The following FGF14 variants were observed in gnomAD, a reference collection of about 807,000 sequenced individuals.
FGF14 encodes fibroblast growth factor homologous factor 4.
A neutral mutation model predicts 25.5 loss-of-function variants in FGF14; 5 were observed. The ratio of observed to expected loss-of-function variants is 0.20; its 90% confidence interval spans 0.10 to 0.41. The LOEUF is 0.41. Among genes scored for constraint, FGF14 ranks in the 10% least tolerant of loss-of-function variants. The probability of loss-of-function intolerance (pLI) is 1.00; values close to 1 mark genes in which losing one functional copy is unlikely to be tolerated. For synonymous variants in FGF14, 138 were observed against 118.3 expected (o/e 1.17, Z -1.08); for missense variants, 222 against 320.1 (o/e 0.69, Z 2.34).
At chr13:102,236,911 G>C (rs188472650) in intron 1 of FGF14, among the ~76,000 whole-genome samples, 1 of 152,122 alleles carries the variant, frequency 6.6e-6, no homozygotes, top group African/African-American at 2.4e-5. Flanking sequence ...AGCTCTCAGA[G>C]GGCCTCCCAG....
chr13:102,349,699 A>G (rs72647495), intron 1 of FGF14, among the ~76,000 whole-genome samples: 11,124 of 152,298 alleles, frequency 0.073, 540 homozygotes, highest in Non-Finnish European at 0.11. Context: ...CTAGAAAGAA[A>G]GTTAAAAACC....
At chr13:102,279,015 ATTGTT>A (rs1253036922) in intron 1 of FGF14, among the ~76,000 whole-genome samples, 4 of 152,146 alleles carry the variant, frequency 2.6e-5, no homozygotes, top group African/African-American at 9.7e-5. Flanking sequence ...TATGAACTGG[ATTGTT>A]TTGTTTTAAT....
intron 3 of FGF14, among the ~76,000 whole-genome samples, chr13:101,861,582 T>C (rs974261705): frequency 7.2e-5 from 11 of 151,896 alleles, no homozygotes; most frequent in East Asian, 1.9e-4. Context: ...AGTCAACATA[T>C]GTACAGAAAC....
At position 101,719,463 on chromosome 13, in the gene FGF14, T is replaced by A. The variant is rs1336746511; in HGVS notation, c.*3368A>T. ...TCTCCAAATTCTTCAGGATTTGTAA[T>A]GAAATGATGTTCAGTTCCATTTTGC... On this transcript the variant is annotated 3_prime_UTR_variant, in exon 5 of 5. Transcript: ENST00000376143. 1 of 152,110 alleles carries A rather than the reference T, an allele frequency of 6.6e-6. No individual in the cohort carries two copies. The highest frequency in any genetic ancestry group is 1.5e-5 in the Non-Finnish European group (1 of 68,004). The allele number at this position is 152,110 out of a possible 1,614,324, so 9.4% of individuals were successfully genotyped here.
intron 1 of FGF14, among the ~76,000 whole-genome samples, chr13:101,972,814 T>C (rs1233478666): frequency 6.6e-6 from 1 of 152,184 alleles, no homozygotes; most frequent in African/African-American, 2.4e-5. Flanking sequence ...CAGCTTAAAG[T>C]TGTATTTTAT....
Position 101,779,729 on chromosome 13 carries a change from G to A in FGF14, c.409-52919C>T, listed in dbSNP as rs568654229. On this transcript the variant is annotated intron_variant, in intron 3 of 4. Transcript: ENST00000376143. Reference sequence around the variant, plus strand: ...AACACTATCATTATTATCTTAATATGTTCATATAAGGTCCCAAGGTAATTT... The same window carrying A: ...AACACTATCATTATTATCTTAATATATTCATATAAGGTCCCAAGGTAATTT... 2.8e-3 allele frequency among the ~76,000 whole-genome samples: 424 copies of A among 152,192 alleles called. 3 individuals carry two copies. The highest frequency in any genetic ancestry group is 9.7e-3 in the African/African-American group (401 of 41,524).
At chr13:101,874,890 T>G (rs953997712) in intron 2 of FGF14, among the ~76,000 whole-genome samples, 2 of 152,148 alleles carry the variant, frequency 1.3e-5, no homozygotes, top group Non-Finnish European at 1.5e-5. Context: ...GTGTACTTAC[T>G]TAACTTTTAC....
At chr13:101,831,985 C>T (rs2042692618) in intron 3 of FGF14, among the ~76,000 whole-genome samples, 1 of 151,992 alleles carries the variant, frequency 6.6e-6, no homozygotes, top group Admixed American at 6.6e-5. Flanking sequence ...ATCCCTGGAA[C>T]CAGTAAAGAT....
At chr13:102,167,896 A>C (rs936849288) in intron 1 of FGF14, among the ~76,000 whole-genome samples, 2 of 151,684 alleles carry the variant, frequency 1.3e-5, no homozygotes, top group African/African-American at 4.8e-5. Flanking sequence ...TAGGTGATGG[A>C]TCAATAAAAA....
intron 3 of FGF14, among the ~76,000 whole-genome samples, chr13:101,862,302 A>C (rs1010692263): frequency 6.6e-6 from 1 of 151,900 alleles, no homozygotes; most frequent in African/African-American, 2.4e-5. Flanking sequence ...AATGCTGCCA[A>C]AGCATCTGAC....
intron 1 of FGF14, among the ~76,000 whole-genome samples, chr13:102,217,307 A>T (rs577169617): frequency 1.3e-5 from 2 of 152,234 alleles, no homozygotes; most frequent in African/African-American, 4.8e-5. Context: ...GTAAAAAAAT[A>T]AACTACATGC....
intron 1 of FGF14, among the ~76,000 whole-genome samples, chr13:102,114,476 A>G (rs901190479): frequency 2.0e-5 from 3 of 152,156 alleles, no homozygotes; most frequent in Non-Finnish European, 4.4e-5. Flanking sequence ...TTCCAAGATA[A>G]TTGAAATAAG....
chr13:102,161,633 A>AGAAGAAGAAGAAGAAGAG (rs2047714376), intron 1 of FGF14, among the ~76,000 whole-genome samples: 1 of 8,676 alleles, frequency 1.2e-4, no homozygotes, highest in Non-Finnish European at 1.9e-4. Flanking sequence ...AAGAAGAAGA[A>AGAAGAAGAAGAAGAAGAG]GAAGAAGAAG....
chr13:101,880,338 T>C (rs1159597436), intron 1 of FGF14, among the ~76,000 whole-genome samples: 1 of 151,936 alleles, frequency 6.6e-6, no homozygotes, highest in East Asian at 1.9e-4. Context: ...GAGGCTGAGG[T>C]GGGCAGATCA....
chr13:102,095,176 A>G (rs2044334360), intron 1 of FGF14, among the ~76,000 whole-genome samples: 1 of 152,220 alleles, frequency 6.6e-6, no homozygotes, highest in South Asian at 2.1e-4. Flanking sequence ...GACAGAATCT[A>G]TCAAGGAAAT....
intron 1 of FGF14, among the ~76,000 whole-genome samples, chr13:101,897,841 A>T (rs1211069137): frequency 6.6e-6 from 1 of 152,194 alleles, no homozygotes; most frequent in Non-Finnish European, 1.5e-5. Flanking sequence ...CATGATGTTC[A>T]ATGGTTATGC....
At chr13:101,844,748 C>A (rs192764164) in intron 3 of FGF14, among the ~76,000 whole-genome samples, 14 of 152,120 alleles carry the variant, frequency 9.2e-5, no homozygotes, top group Middle Eastern at 3.4e-3. Context: ...TCACATACAG[C>A]TATTTGCTTA....
At chr13:102,275,262 T>TCTCTCTCTC (rs1555391875) in intron 1 of FGF14, among the ~76,000 whole-genome samples, 2,628 of 68,866 alleles carry the variant, frequency 0.038, 294 homozygotes, top group Non-Finnish European at 0.049. Flanking sequence ...CTCTCTCTCT[T>TCTCTCTCTC]TCTCTCTCTC....
chr13:102,350,213 T>A (rs2057235063), intron 1 of FGF14, among the ~76,000 whole-genome samples: 1 of 151,992 alleles, frequency 6.6e-6, no homozygotes, highest in African/African-American at 2.4e-5. Context: ...TACAAAAAAA[T>A]TAAAAAATTA....
Sources: allele counts gnomAD v4.1 joint callset (sites outside exome capture counted in the v4.1 genomes callset), GRCh38; gene constraint gnomAD v4.1.1; transcripts MANE v1.5; gene names NCBI Gene and HGNC (gene_info 2026-07-23, HGNC 2026-07-21).